The following PLCB4 variants were observed in gnomAD, a reference collection of about 807,000 sequenced individuals.
PLCB4 encodes 1-phosphatidylinositol 4,5-bisphosphate phosphodiesterase beta-4.
PLCB4 carries 77 observed loss-of-function variants against 178.8 expected under a neutral mutation model. The observed-to-expected ratio is 0.43, with a 90% CI of 0.36 to 0.52. The LOEUF (loss-of-function observed/expected upper bound fraction) is 0.52, where lower values mean the gene tolerates loss of function less well. Ranked by LOEUF, PLCB4 falls within the 20% of genes least tolerant of loss-of-function variation. PLCB4 has a pLI of 0.00. For missense variants in PLCB4, 1,024 were observed against 1,453.4 expected, an observed-to-expected ratio of 0.70 and a Z score of 4.80; for synonymous variants, 496 against 490.8, an observed-to-expected ratio of 1.01 and a Z score of -0.14.
chr20:9,307,515 A>G (rs1391424885), intron 3 of PLCB4, among the ~76,000 whole-genome samples: 2 of 136,558 alleles, frequency 1.5e-5, no homozygotes, highest in East Asian at 2.0e-4. Flanking sequence ...ACACACACAC[A>G]CACACACACA....
chr20:9,421,520 C>T, intron 27 of PLCB4, 59 bp downstream of exon 27: 1 of 1,385,194 alleles, frequency 7.2e-7, no homozygotes, highest in Non-Finnish European at 1.0e-6. Context: ...TGTTTTAGTT[C>T]ACAGACGCTA....
chr20:9,075,459 G>A (rs1037903699), intron 1 of PLCB4, among the ~76,000 whole-genome samples: 7 of 152,228 alleles, frequency 4.6e-5, no homozygotes, highest in African/African-American at 1.7e-4. Flanking sequence ...GATAGGGAGA[G>A]TACTAAATGC....
chr20:9,118,195 A>G (rs1057404748), intron 2 of PLCB4, among the ~76,000 whole-genome samples: 4 of 147,232 alleles, frequency 2.7e-5, no homozygotes, highest in Non-Finnish European at 4.5e-5. Context: ...AGCATTAGGT[A>G]TATCTCCCAA....
At chr20:9,406,112 G>T (rs1248834249) in intron 21 of PLCB4, among the ~76,000 whole-genome samples, 4 of 152,166 alleles carry the variant, frequency 2.6e-5, no homozygotes, top group African/African-American at 9.7e-5. Context: ...ACAGTATACA[G>T]ATTGACATTT....
At chr20:9,372,469 G>A (rs2036335025) in intron 11 of PLCB4, 66 bp downstream of exon 11, 6 of 779,930 alleles carry the variant, frequency 7.7e-6, no homozygotes, top group South Asian at 3.3e-5. Flanking sequence ...TTTTTAAAAC[G>A]TTTTTGTCCT....
intron 30 of PLCB4, among the ~76,000 whole-genome samples, chr20:9,440,068 C>T (rs2042017515): frequency 6.6e-6 from 1 of 152,200 alleles, no homozygotes; most frequent in Non-Finnish European, 1.5e-5. Flanking sequence ...TGTGGACTCT[C>T]ATCTTTCATC....
intron 3 of PLCB4, among the ~76,000 whole-genome samples, chr20:9,263,768 G>A (rs149231463): frequency 6.6e-6 from 1 of 152,292 alleles, no homozygotes; most frequent in East Asian, 1.9e-4. Flanking sequence ...ATGAGCTGGA[G>A]AGAGCTGCCT....
intron 13 of PLCB4, among the ~76,000 whole-genome samples, chr20:9,381,264 A>G (rs114329671): frequency 1.3e-3 from 200 of 152,292 alleles, no homozygotes; most frequent in African/African-American, 4.2e-3. Context: ...AGGAGGTGAT[A>G]TGATTCTTGT....
rs975388970 is a variant in PLCB4, at chr20:9,214,493, A to T, written c.-78-2897A>T. 1.2e-4 allele frequency among the ~76,000 whole-genome samples: 18 copies of T among 152,022 alleles called. No individual in the cohort carries two copies. The South Asian group carries it at 2.1e-3, about 18-fold the overall frequency. On this transcript the variant is annotated intron_variant, in intron 2 of 39. Coordinates refer to ENST00000378473, the MANE Select transcript of PLCB4 (RefSeq NM_001377142.1). ...CTGGGATTTGCAATTTTGTTTACCT[A>T]TTATGGGAAAATATCTTTCTTCTTT... is the stretch of plus-strand genomic sequence containing the variant.
intron 3 of PLCB4, among the ~76,000 whole-genome samples, chr20:9,218,199 C>T (rs372932296): frequency 1.1e-4 from 17 of 152,308 alleles, no homozygotes; most frequent in African/African-American, 3.8e-4. Flanking sequence ...CAACCTCTGC[C>T]TCCTGGGTTC....
intron 1 of PLCB4, among the ~76,000 whole-genome samples, chr20:9,080,939 C>T (rs1355774450): frequency 1.3e-5 from 2 of 152,176 alleles, no homozygotes; most frequent in South Asian, 2.1e-4. Context: ...TCTACCCCAT[C>T]AATATCCTTC....
chr20:9,359,500 G>A (rs945194622), intron 7 of PLCB4, among the ~76,000 whole-genome samples: 3 of 152,134 alleles, frequency 2.0e-5, no homozygotes, highest in African/African-American at 7.2e-5. Context: ...AAAAAAATGG[G>A]AGAACAGTAG....
rs117068353 is a variant in PLCB4 at position 9,324,474 on chromosome 20, A to G, written c.85-12652A>G. Reference sequence around the variant, plus strand: ...CAACAAATCCTAAAAAAGCCCTGGTAAATACTTTCCTTGGGGAATGTGGGG... The same window carrying G: ...CAACAAATCCTAAAAAAGCCCTGGTGAATACTTTCCTTGGGGAATGTGGGG... On this transcript the variant is annotated intron_variant, in intron 4 of 39. Transcript: ENST00000378473. Among the ~76,000 whole-genome samples the G allele has an allele frequency of 5.4e-4, 82 of 152,320 alleles. No homozygotes were observed. The East Asian group carries it at 0.015, about 28-fold the overall frequency.
At chr20:9,378,314 A>G (rs374993719) in intron 12 of PLCB4, among the ~76,000 whole-genome samples, 80 of 152,202 alleles carry the variant, frequency 5.3e-4, no homozygotes, top group Non-Finnish European at 7.4e-4. Context: ...ACCTATGAAC[A>G]TAACAGTGCT....
intron 37 of PLCB4, 26 bp from the exon 38 acceptor site, chr20:9,473,253 A>AT: frequency 1.8e-6 from 2 of 1,108,850 alleles, no homozygotes; most frequent in Non-Finnish European, 1.3e-6. Flanking sequence ...GTTCAATCAG[A>AT]ATTTTTTTTT....
chr20:9,333,502 A>C (rs905246145), intron 4 of PLCB4, among the ~76,000 whole-genome samples: 1 of 152,226 alleles, frequency 6.6e-6, no homozygotes, highest in Admixed American at 6.5e-5. Context: ...AAGAAATAGA[A>C]GGAAGAACAG....
At chr20:9,203,914 T>C (rs1163597802) in intron 2 of PLCB4, among the ~76,000 whole-genome samples, 3 of 151,948 alleles carry the variant, frequency 2.0e-5, no homozygotes, top group Non-Finnish European at 4.4e-5. Flanking sequence ...GTTCCCTGTT[T>C]TACTTTTCAG....
chr20:9,426,526 C>T (rs2041020793), intron 28 of PLCB4, among the ~76,000 whole-genome samples: 1 of 152,046 alleles, frequency 6.6e-6, no homozygotes, highest in Non-Finnish European at 1.5e-5. Flanking sequence ...TACAGGCGTG[C>T]ACCACTATGC....
At chr20:9,325,884 G>T (rs2030447549) in intron 4 of PLCB4, among the ~76,000 whole-genome samples, 1 of 152,178 alleles carries the variant, frequency 6.6e-6, no homozygotes, top group Non-Finnish European at 1.5e-5. Flanking sequence ...ACACTCGGCA[G>T]CTATAAACAA....
Sources: gnomAD v4.1 joint callset for allele counts (sites outside exome capture counted in the v4.1 genomes callset) on GRCh38, gnomAD v4.1.1 for gene constraint, MANE v1.5 for transcripts, NCBI Gene and HGNC (gene_info 2026-07-23, HGNC 2026-07-21) for gene names.